CNTNAP2: variants seen among roughly 807,000 people sequenced by gnomAD.
CNTNAP2 encodes the protein contactin-associated protein-like 2.
A neutral mutation model predicts 155.2 loss-of-function variants in CNTNAP2; 98 were observed. The observed-to-expected ratio is 0.63, with a 90% confidence interval of 0.54 to 0.75. The LOEUF (loss-of-function observed/expected upper bound fraction) is 0.75, where lower values mean the gene tolerates loss of function less well. Ranked by LOEUF, CNTNAP2 falls within the 30% of genes least tolerant of loss-of-function variation. The pLI is 0.00. For synonymous variants in CNTNAP2, 651 were observed against 631.2 expected (o/e 1.03, Z -0.47); for missense variants, 1,727 against 1,688.1 (o/e 1.02, Z -0.40).
intron 22 of CNTNAP2, among the ~76,000 whole-genome samples, chr7:148,390,619 T>C (rs1432353420): frequency 6.6e-6 from 1 of 152,168 alleles, no homozygotes; most frequent in Non-Finnish European, 1.5e-5. Context: ...GGTGTTAGAA[T>C]GGAAATTAGA....
chr7:146,915,590 G>A (rs368943479), intron 3 of CNTNAP2, among the ~76,000 whole-genome samples: 26 of 151,804 alleles, frequency 1.7e-4, no homozygotes, highest in African/African-American at 3.9e-4. Flanking sequence ...TGCAGCTATC[G>A]TAAAAGGAGT....
intron 21 of CNTNAP2, among the ~76,000 whole-genome samples, chr7:148,330,941 G>GTC (rs1797988416): frequency 6.7e-6 from 1 of 148,178 alleles, no homozygotes; most frequent in African/African-American, 2.5e-5. Context: ...GGATGGAATT[G>GTC]GATGGAGTGG....
chr7:147,980,565 G>A (rs1316540132), intron 15 of CNTNAP2, among the ~76,000 whole-genome samples: 1 of 152,074 alleles, frequency 6.6e-6, no homozygotes, highest in African/African-American at 2.4e-5. Flanking sequence ...CCGAGAATAA[G>A]TATCCTACCT....
chr7:147,114,092 A>AG (rs1362938147), intron 5 of CNTNAP2, among the ~76,000 whole-genome samples: 1 of 152,220 alleles, frequency 6.6e-6, no homozygotes, highest in Non-Finnish European at 1.5e-5. Context: ...ACTAAGGAGC[A>AG]GGTTGTTCAC....
chr7:147,615,732 A>G (rs796517572), intron 12 of CNTNAP2, among the ~76,000 whole-genome samples: 13 of 152,234 alleles, frequency 8.5e-5, no homozygotes, highest in African/African-American at 2.9e-4. Context: ...TCTCCCTTCG[A>G]GACTGATATA....
chr7:147,938,698 T>G (rs531016010), intron 14 of CNTNAP2, among the ~76,000 whole-genome samples: 1 of 152,332 alleles, frequency 6.6e-6, no homozygotes, highest in Admixed American at 6.5e-5. Context: ...GTACAATTTA[T>G]AAAGTACACA....
intron 3 of CNTNAP2, among the ~76,000 whole-genome samples, chr7:146,985,979 T>G (rs1353391137): frequency 6.6e-6 from 1 of 152,052 alleles, no homozygotes; most frequent in Non-Finnish European, 1.5e-5. Context: ...TGGTAACACT[T>G]TAGGTTGCAA....
intron 1 of CNTNAP2, among the ~76,000 whole-genome samples, chr7:146,605,014 T>C (rs1197140977): frequency 2.8e-5 from 4 of 144,646 alleles, no homozygotes; most frequent in African/African-American, 1.0e-4. Context: ...GCATGGCACA[T>C]GTATACATAT....
At position 147,962,926 on chromosome 7, in the gene CNTNAP2, A is replaced by T. The variant is rs73168519; in HGVS notation, c.2256-14936A>T. On this transcript the variant is annotated intron_variant, in intron 14 of 23. Coordinates refer to ENST00000361727, the MANE Select transcript of CNTNAP2 (RefSeq NM_014141.6). The stretch of plus-strand genomic sequence containing the variant: ...AGGGAAAATATGGATGTCATAAATT[A>T]TGTTATCAAAATCTTGCCTTCCAAT... Among the ~76,000 whole-genome samples the T allele has an allele frequency of 8.0e-3, 1,218 of 152,302 alleles. 14 individuals are homozygous for T. Among genetic ancestry groups the T allele is most frequent in the South Asian group, 0.018 (88 of 4,830 alleles).
chr7:148,223,907 C>G (rs1364109640), intron 19 of CNTNAP2, among the ~76,000 whole-genome samples: 2 of 152,114 alleles, frequency 1.3e-5, no homozygotes, highest in African/African-American at 4.8e-5. Flanking sequence ...AGGAAAATGT[C>G]CAGCGTTTTG....
chr7:146,550,121 G>A (rs1199999328), intron 1 of CNTNAP2, among the ~76,000 whole-genome samples: 1 of 152,022 alleles, frequency 6.6e-6, no homozygotes, highest in Non-Finnish European at 1.5e-5. Context: ...ATTAAACTTA[G>A]GGGAACGGGA....
intron 1 of CNTNAP2, among the ~76,000 whole-genome samples, chr7:146,179,797 A>G (rs1267994114): frequency 6.6e-6 from 1 of 152,204 alleles, no homozygotes; most frequent in African/African-American, 2.4e-5. Flanking sequence ...AGTGACTAAA[A>G]TGAAAAGAAA....
intron 1 of CNTNAP2, among the ~76,000 whole-genome samples, chr7:146,145,912 TA>T (rs1208883573): frequency 1.3e-5 from 2 of 152,194 alleles, no homozygotes; most frequent in Non-Finnish European, 2.9e-5. Context: ...GCACTTTCAA[TA>T]TCTAGGACAG....
Position 147,300,290 on chromosome 7 carries a change from G to A in CNTNAP2, c.1498G>A (p.Gly500Ser), listed in dbSNP as rs1446061746. 1.2e-6 allele frequency: 2 copies of A among 1,613,442 alleles called. No homozygotes were observed. The highest frequency in any genetic ancestry group is 2.2e-5 in the East Asian group (1 of 44,838). The change falls in exon 9 of 24, where the codon GGT becomes AGT. Residue 500 changes from glycine to serine, a missense_variant and splice_region_variant. Transcript: ENST00000361727. ...AACTGGCGAGAAGTACTTTTTTGGAGGTAAGAATGCCATTCCTTTTTGGTT... is the reference window on the plus strand; with the variant it reads ...AACTGGCGAGAAGTACTTTTTTGGAAGTAAGAATGCCATTCCTTTTTGGTT... Reference protein sequence around the residue: ...VKTGEKYFFGGFLNQMNNSSH... With the variant: ...VKTGEKYFFGSFLNQMNNSSH...
chr7:148,106,720 T>A (rs1208958591), intron 15 of CNTNAP2, among the ~76,000 whole-genome samples: 1 of 151,650 alleles, frequency 6.6e-6, no homozygotes, highest in African/African-American at 2.4e-5. Context: ...AACCTCTACA[T>A]GCAAAAAATA....
intron 15 of CNTNAP2, among the ~76,000 whole-genome samples, chr7:148,065,960 A>G (rs550315175): frequency 1.1e-4 from 17 of 152,138 alleles, no homozygotes; most frequent in Non-Finnish European, 2.1e-4. Flanking sequence ...CCTTGTAGCA[A>G]TTCTTGTAGT....
At chr7:146,457,843 T>C (rs1796580343) in intron 1 of CNTNAP2, among the ~76,000 whole-genome samples, 1 of 152,062 alleles carries the variant, frequency 6.6e-6, no homozygotes, top group Non-Finnish European at 1.5e-5. Flanking sequence ...AAAATTATTA[T>C]TTTTATTTAT....
chr7:147,498,362 T>C (rs1281212523), intron 11 of CNTNAP2, among the ~76,000 whole-genome samples: 1 of 152,160 alleles, frequency 6.6e-6, no homozygotes, highest in Non-Finnish European at 1.5e-5. Context: ...GCTTATGACC[T>C]ATTTTCCGCT....
intron 8 of CNTNAP2, among the ~76,000 whole-genome samples, chr7:147,258,658 G>C (rs888901349): frequency 6.6e-6 from 1 of 152,078 alleles, no homozygotes; most frequent in Non-Finnish European, 1.5e-5. Context: ...CGAAGATCAG[G>C]GGTGCAAATG....
Sources: allele counts gnomAD v4.1 joint callset (sites outside exome capture counted in the v4.1 genomes callset), GRCh38; gene constraint gnomAD v4.1.1; transcripts MANE v1.5; gene names NCBI Gene and HGNC (gene_info 2026-07-23, HGNC 2026-07-21).